The following CAPZB variants were observed in gnomAD, a reference collection of about 807,000 sequenced individuals.
CAPZB encodes capping actin protein of muscle Z-line subunit beta.
In CAPZB, 2 loss-of-function variants were observed where a neutral mutation model predicts 38.1. The observed-to-expected ratio is 0.05, with a 90% CI of 0.02 to 0.17. The LOEUF (loss-of-function observed/expected upper bound fraction) is 0.17, where lower values mean the gene tolerates loss of function less well. Ranked by LOEUF, CAPZB falls within the 10% of genes least tolerant of loss-of-function variation. The pLI is 1.00. For synonymous variants in CAPZB, 107 were observed against 127.4 expected (o/e 0.84, Z 1.08); for missense variants, 161 against 334.2 (o/e 0.48, Z 4.04).
intron 2 of CAPZB, among the ~76,000 whole-genome samples, chr1:19,402,690 T>C (rs1326679182): frequency 6.9e-6 from 1 of 145,142 alleles, no homozygotes. Context: ...GGGATTTGCC[T>C]GCCAAGGGTG....
chr1:19,455,419 G>A (rs1421370586), intron 1 of CAPZB, among the ~76,000 whole-genome samples: 1 of 152,160 alleles, frequency 6.6e-6, no homozygotes. Context: ...ATCGCTGGGT[G>A]GCCACGTGAT....
intron 1 of CAPZB, among the ~76,000 whole-genome samples, chr1:19,472,802 C>T (rs955298943): frequency 4.7e-5 from 7 of 148,986 alleles, no homozygotes; most frequent in African/African-American, 1.8e-4. Context: ...ACTGCAAGCT[C>T]CGCCTCCTGG....
rs2093915876 is a variant in CAPZB, at chr1:19,339,440, G to GAAGGGACGAGGGAAGGGAGCAGA, written c.*67_*89dup. ...GCTGTTATGTGACCTGTCGGGGAGG[G>GAAGGGACGAGGGAAGGGAGCAGA]AAGGGACGAGGGAAGGGAGCAGAAA... On this transcript the variant is annotated 3_prime_UTR_variant, in exon 9 of 9. Transcript: ENST00000264202. The GAAGGGACGAGGGAAGGGAGCAGA allele has an allele frequency of 5.5e-5, 50 of 917,420 alleles. No individual in the cohort carries two copies. The South Asian group carries it at 6.5e-4, about 12-fold the overall frequency. 56.8% of individuals were successfully genotyped at this position (917,420 alleles called of 1,614,324 possible).
intron 2 of CAPZB, among the ~76,000 whole-genome samples, chr1:19,419,233 G>A (rs895284345): frequency 6.6e-6 from 1 of 152,172 alleles, no homozygotes; most frequent in Admixed American, 6.5e-5. Context: ...TAGAAATGAA[G>A]CCACGGAAGC....
At chr1:19,342,167 C>T (rs977640202) in intron 8 of CAPZB, among the ~76,000 whole-genome samples, 7 of 152,236 alleles carry the variant, frequency 4.6e-5, no homozygotes, top group Non-Finnish European at 1.0e-4. Flanking sequence ...GTGGCCGAGT[C>T]GGCACTGGGC....
At chr1:19,464,385 G>A (rs12022161) in intron 1 of CAPZB, among the ~76,000 whole-genome samples, 39,366 of 145,400 alleles carry the variant, frequency 0.27, 5,251 homozygotes, top group East Asian at 0.38. Flanking sequence ...TCCACCTCCC[G>A]GGTTCACGCC....
intron 4 of CAPZB, among the ~76,000 whole-genome samples, chr1:19,364,019 C>A (rs1223439646): frequency 6.6e-6 from 1 of 152,286 alleles, no homozygotes; most frequent in Non-Finnish European, 1.5e-5. Context: ...GGCTGGGCCA[C>A]ACTCACAGGA....
chr1:19,340,813 A>G (rs899927008), intron 8 of CAPZB, among the ~76,000 whole-genome samples: 11 of 152,222 alleles, frequency 7.2e-5, no homozygotes, highest in African/African-American at 2.7e-4. Flanking sequence ...CATATTGGTT[A>G]GGCAAAGACT....
Position 19,390,768 on chromosome 1 carries a change from C to G in CAPZB, c.94-5142G>C, listed in dbSNP as rs182041050. 2.3e-3 allele frequency among the ~76,000 whole-genome samples: 357 copies of G among 152,304 alleles called. 1 individual carries two copies. The highest frequency in any genetic ancestry group is 0.013 in the South Asian group (64 of 4,828). ...GAAGGTAAGGGAGAGACTAGGATGC[C>G]ATTGGCAACGGCCTCAGGTGACACC... On this transcript the variant is annotated intron_variant, in intron 2 of 8. Transcript: ENST00000264202.
intron 3 of CAPZB, among the ~76,000 whole-genome samples, chr1:19,380,711 C>T (rs1257036426): frequency 6.6e-6 from 1 of 152,174 alleles, no homozygotes; most frequent in Non-Finnish European, 1.5e-5. Context: ...AGACTCAATT[C>T]TTAATTTTAT....
At chr1:19,359,210 C>CTTTTTTTTTT (rs57251931) in intron 4 of CAPZB, among the ~76,000 whole-genome samples, 5 of 114,412 alleles carry the variant, frequency 4.4e-5, no homozygotes, top group Non-Finnish European at 5.2e-5. Context: ...TCTCTGTACT[C>CTTTTTTTTTT]TTTTTTTTTT....
intron 1 of CAPZB, chr1:19,424,696 T>G (rs796317368): frequency 5.9e-5 from 9 of 152,420 alleles, no homozygotes; most frequent in African/African-American, 2.2e-4. Context: ...TTTGGACTGC[T>G]CACTTAACCT....
chr1:19,470,689 A>C (rs1217613726), intron 1 of CAPZB, among the ~76,000 whole-genome samples: 1 of 152,256 alleles, frequency 6.6e-6, no homozygotes, highest in Non-Finnish European at 1.5e-5. Flanking sequence ...ATGACACAGC[A>C]GAGGCTGAGG....
intron 8 of CAPZB, among the ~76,000 whole-genome samples, 186 bp downstream of exon 8, chr1:19,344,172 C>T (rs1207780559): frequency 7.2e-5 from 11 of 152,152 alleles, no homozygotes; most frequent in Admixed American, 6.5e-4. Flanking sequence ...ACAGCTGCTA[C>T]GGAGAGTGCA....
intron 2 of CAPZB, among the ~76,000 whole-genome samples, chr1:19,390,066 A>C (rs1276241221): frequency 6.6e-6 from 1 of 152,210 alleles, no homozygotes; most frequent in African/African-American, 2.4e-5. Flanking sequence ...ATTCCATGTA[A>C]GTGGATATTA....
At position 19,341,638 on chromosome 1, in the gene CAPZB, G is replaced by A. The variant is rs144766546; in HGVS notation, c.732-2021C>T. On this transcript the variant is annotated intron_variant, in intron 8 of 8. Transcript: ENST00000264202. The stretch of plus-strand genomic sequence containing the variant: ...ATCTTGAGCAGACCTGGCTGCCAGG[G>A]TTTCTACGCCAGGACGCCCCCAGTG... Among the ~76,000 whole-genome samples, 868 of 152,330 alleles carry A rather than the reference G, an allele frequency of 5.7e-3. 3 individuals carry two copies. Among genetic ancestry groups the A allele is most frequent in the Non-Finnish European group, 9.1e-3 (622 of 68,028 alleles).
chr1:19,475,648 G>A (rs10917456), intron 1 of CAPZB, among the ~76,000 whole-genome samples: 3,310 of 152,326 alleles, frequency 0.022, 123 homozygotes, highest in African/African-American at 0.074. Flanking sequence ...AGGCTTGGCC[G>A]AGAGCTCAGG....
intron 1 of CAPZB, among the ~76,000 whole-genome samples, chr1:19,431,545 C>G (rs1160093337): frequency 2.0e-5 from 3 of 151,458 alleles, no homozygotes; most frequent in African/African-American, 7.3e-5. Context: ...CACGGTGAAA[C>G]CCCGTCTCTA....
chr1:19,373,310 G>A (rs1217901247), intron 4 of CAPZB, among the ~76,000 whole-genome samples: 1 of 152,150 alleles, frequency 6.6e-6, no homozygotes, highest in Admixed American at 6.5e-5. Context: ...CAATCCACAG[G>A]GGAGAGGGGC....
Sources: allele counts gnomAD v4.1 joint callset (sites outside exome capture counted in the v4.1 genomes callset), GRCh38; gene constraint gnomAD v4.1.1; transcripts MANE v1.5; gene names NCBI Gene and HGNC (gene_info 2026-07-23, HGNC 2026-07-21).